The following EVA1C variants were observed in gnomAD, a reference collection of about 807,000 sequenced individuals.
EVA1C encodes eva-1 homolog C, also known as protein eva-1 homolog C.
EVA1C carries 25 observed loss-of-function variants against 45.4 expected under a neutral mutation model. That is an observed-to-expected ratio of 0.55 (90% CI 0.40 to 0.77). The LOEUF (loss-of-function observed/expected upper bound fraction) is 0.77. Among genes scored for constraint, EVA1C ranks in the 30% least tolerant of loss-of-function variants. The pLI is 0.00. For synonymous variants in EVA1C, 190 were observed against 221.2 expected, an observed-to-expected ratio of 0.86 and a Z score of 1.25; for missense variants, 479 against 554.8, an observed-to-expected ratio of 0.86 and a Z score of 1.37.
chr21:32,414,440 C>T (rs141395102), intron 1 of EVA1C, among the ~76,000 whole-genome samples: 3 of 152,166 alleles, frequency 2.0e-5, no homozygotes, highest in Non-Finnish European at 2.9e-5. Flanking sequence ...AACTGACAAG[C>T]CTTTTTGTGT....
At chr21:32,459,945 A>G (rs2035938724) in intron 3 of EVA1C, among the ~76,000 whole-genome samples, 1 of 151,664 alleles carries the variant, frequency 6.6e-6, no homozygotes, top group South Asian at 2.1e-4. Flanking sequence ...CACATTTTCT[A>G]TATGTTTGAA....
At chr21:32,484,269 G>A (rs1488534937) in intron 4 of EVA1C, among the ~76,000 whole-genome samples, 2 of 152,120 alleles carry the variant, frequency 1.3e-5, no homozygotes, top group Non-Finnish European at 2.9e-5. Context: ...TGGACCAGGC[G>A]CAGTGGCTGA....
intron 7 of EVA1C, among the ~76,000 whole-genome samples, chr21:32,504,222 AACAG>A (rs2037650165): frequency 6.6e-6 from 1 of 152,216 alleles, no homozygotes; most frequent in East Asian, 1.9e-4. Flanking sequence ...GAACCACATA[AACAG>A]ACAAAGTCAC....
At chr21:32,496,914 T>G (rs1425280021) in intron 5 of EVA1C, 2 of 1,272,764 alleles carry the variant, frequency 1.6e-6, no homozygotes, top group Non-Finnish European at 2.3e-6. Context: ...TTTCTTTGTC[T>G]TACTTGGCAT....
chr21:32,413,751 C>A (rs1014477238), intron 1 of EVA1C, among the ~76,000 whole-genome samples: 1 of 152,210 alleles, frequency 6.6e-6, no homozygotes, highest in Non-Finnish European at 1.5e-5. Flanking sequence ...TTGACGATAG[C>A]CATAGGAGCA....
At position 32,420,498 on chromosome 21, in the gene EVA1C, C is replaced by T. The variant is rs59489932; in HGVS notation, c.160+7485C>T. 2.4e-4 allele frequency among the ~76,000 whole-genome samples: 36 copies of T among 152,382 alleles called. No individual in the cohort carries two copies. The East Asian group carries it at 6.7e-3, about 29-fold the overall frequency. On this transcript the variant is annotated intron_variant, in intron 1 of 7. Coordinates refer to ENST00000300255, the MANE Select transcript of EVA1C (RefSeq NM_058187.5). ...CTCTGGGGCTCAAGCCATCCTCCCA[C>T]CTCAGCACTCCCTAGTAGTTGGGAC... is the stretch of plus-strand genomic sequence containing the variant.
In EVA1C at chr21:32,495,227, G is replaced by T. The variant is rs1032702780; in HGVS notation, c.778+57G>T. ...GACACTGCCTCTTTTGGGGGAGGGT[G>T]GTGACCATGTGAACGGCAGGAGTTT... is the stretch of plus-strand genomic sequence containing the variant. On this transcript the variant is annotated intron_variant, in intron 5 of 7. Transcript: ENST00000300255. The T allele has an allele frequency of 6.9e-5, 110 of 1,585,260 alleles. No individual in the cohort carries two copies. In the South Asian group the frequency reaches 1.2e-3, roughly 18 times the overall value.
rs1038641892 is a variant in EVA1C, at chr21:32,430,972, C to CAAAAA, written c.160+17966_160+17970dup. On this transcript the variant is annotated intron_variant, in intron 1 of 7. Coordinates refer to ENST00000300255, the MANE Select transcript of EVA1C (RefSeq NM_058187.5). ...TCGGCAACAGAGTGAGACTTGGTCT[C>CAAAAA]AAAAAAAAAAATTAGATCTTGTGAG... Among the ~76,000 whole-genome samples, 7 of 103,116 alleles carry CAAAAA rather than the reference C, an allele frequency of 6.8e-5. 1 individual carries two copies. The Admixed American group carries it at 7.3e-4, about 11-fold the overall frequency. The allele number at this position is 103,116 out of a possible 152,430, so 67.6% of individuals were successfully genotyped here.
chr21:32,426,972 G>T (rs970159159), intron 1 of EVA1C, among the ~76,000 whole-genome samples: 4 of 152,152 alleles, frequency 2.6e-5, no homozygotes, highest in African/African-American at 9.7e-5. Context: ...CCAAAAAAAG[G>T]TCTATTGTGT....
intron 4 of EVA1C, among the ~76,000 whole-genome samples, chr21:32,471,926 C>G (rs2036392320): frequency 6.6e-6 from 1 of 152,142 alleles, no homozygotes; most frequent in Non-Finnish European, 1.5e-5. Flanking sequence ...CCGCACTCGG[C>G]CTCCATTTCT....
chr21:32,512,224 C>T (rs1299146818), intron 7 of EVA1C, among the ~76,000 whole-genome samples: 2 of 152,092 alleles, frequency 1.3e-5, no homozygotes, highest in Non-Finnish European at 2.9e-5. Flanking sequence ...GGTGTGCATT[C>T]ATAGCACTGG....
At chr21:32,505,219 T>G (rs2037687261) in intron 7 of EVA1C, among the ~76,000 whole-genome samples, 1 of 151,990 alleles carries the variant, frequency 6.6e-6, no homozygotes, top group African/African-American at 2.4e-5. Context: ...AGTCTTGGGG[T>G]CCCCTGCTGT....
chr21:32,457,760 G>C (rs376876019), intron 3 of EVA1C, 40 bp downstream of exon 3: 2 of 1,611,928 alleles, frequency 1.2e-6, no homozygotes. Flanking sequence ...TTGGGGTGTG[G>C]TTCTCGTTTC....
chr21:32,453,895 C>T (rs1237743689), intron 2 of EVA1C, among the ~76,000 whole-genome samples: 1 of 152,178 alleles, frequency 6.6e-6, no homozygotes, highest in Non-Finnish European at 1.5e-5. Context: ...ACAAGTATCT[C>T]TTTGAGGCAG....
chr21:32,477,433 C>G (rs4817493), intron 4 of EVA1C, among the ~76,000 whole-genome samples: 2,724 of 152,192 alleles, frequency 0.018, 180 homozygotes, highest in East Asian at 0.17. Flanking sequence ...TACTGTGGGA[C>G]AGGAATTCAG....
At position 32,455,328 on chromosome 21, in the gene EVA1C, A is replaced by G. The variant is rs193242439; in HGVS notation, c.357+1820A>G. ...GAAAAAAAACAAAAAACAAACAAAC[A>G]AACAAAAACAGTATTAATCCATTCA... On this transcript the variant is annotated intron_variant, in intron 2 of 7. Transcript: ENST00000300255. Among the ~76,000 whole-genome samples, 31 of 152,302 alleles carry G rather than the reference A, an allele frequency of 2.0e-4. 1 individual carries two copies. Among genetic ancestry groups the G allele is most frequent in the Admixed American group, 1.8e-3 (28 of 15,286 alleles).
At chr21:32,494,781 C>A (rs377101057) in intron 4 of EVA1C, among the ~76,000 whole-genome samples, 61 of 139,286 alleles carry the variant, frequency 4.4e-4, no homozygotes, top group East Asian at 6.2e-4. Context: ...GAATCAGTTT[C>A]AAAAAAAAAA....
intron 1 of EVA1C, among the ~76,000 whole-genome samples, chr21:32,436,102 T>C (rs1402019822): frequency 5.3e-5 from 8 of 152,202 alleles, no homozygotes; most frequent in African/African-American, 1.9e-4. Context: ...CTTGCTCTCT[T>C]GCCCAGGCTG....
chr21:32,423,319 C>A (rs1220169475), intron 1 of EVA1C, among the ~76,000 whole-genome samples: 3 of 152,048 alleles, frequency 2.0e-5, no homozygotes, highest in African/African-American at 7.2e-5. Context: ...CACAGGTGAG[C>A]CTCAGTTTCA....
Sources: allele counts gnomAD v4.1 joint callset (sites outside exome capture counted in the v4.1 genomes callset), GRCh38; gene constraint gnomAD v4.1.1; transcripts MANE v1.5; gene names NCBI Gene and HGNC (gene_info 2026-07-23, HGNC 2026-07-21).